Variants in NRG3 observed in about 807,000 individuals in gnomAD.
NRG3 encodes the protein pro-neuregulin-3, membrane-bound isoform.
NRG3 carries 31 observed loss-of-function variants against 66.9 expected under a neutral mutation model. The observed-to-expected ratio is 0.46, with a 90% CI of 0.35 to 0.63. The LOEUF (loss-of-function observed/expected upper bound fraction) is 0.63, where lower values mean the gene tolerates loss of function less well. Ranked by LOEUF, NRG3 falls within the 20% of genes least tolerant of loss-of-function variation. NRG3 has a pLI of 0.00. For missense variants in NRG3, 910 were observed against 878.9 expected (o/e 1.04, Z -0.45); for synonymous variants, 393 against 359.4 (o/e 1.09, Z -1.06).
intron 3 of NRG3, among the ~76,000 whole-genome samples, chr10:82,776,035 A>G (rs1438523095): frequency 1.3e-5 from 2 of 152,130 alleles, no homozygotes; most frequent in African/African-American, 4.8e-5. Context: ...TGAGTTTTAT[A>G]CTTTTATATA....
At chr10:81,946,578 G>T (rs1406253505) in intron 1 of NRG3, among the ~76,000 whole-genome samples, 1 of 152,072 alleles carries the variant, frequency 6.6e-6, no homozygotes, top group African/African-American at 2.4e-5. Flanking sequence ...TAAGTTTTTG[G>T]TTTTCTGTAA....
intron 3 of NRG3, among the ~76,000 whole-genome samples, chr10:82,744,729 T>G (rs2058571455): frequency 6.6e-6 from 1 of 152,172 alleles, no homozygotes. Context: ...TATTAATAGT[T>G]TGACATTGGA....
chr10:82,414,568 C>T (rs909192585), intron 2 of NRG3, among the ~76,000 whole-genome samples: 1 of 152,134 alleles, frequency 6.6e-6, no homozygotes, highest in African/African-American at 2.4e-5. Flanking sequence ...GCAGGGTTGT[C>T]ACAAACCTTT....
At chr10:82,104,733 A>G (rs2066956974) in intron 1 of NRG3, among the ~76,000 whole-genome samples, 1 of 152,220 alleles carries the variant, frequency 6.6e-6, no homozygotes, top group Admixed American at 6.5e-5. Context: ...AATTTAAAAA[A>G]TATGTGTATC....
chr10:82,538,359 T>A (rs1018285539), intron 2 of NRG3, among the ~76,000 whole-genome samples: 3 of 152,220 alleles, frequency 2.0e-5, no homozygotes, highest in African/African-American at 7.2e-5. Flanking sequence ...CATTTCTGAT[T>A]GTATTATATC....
At chr10:82,644,449 T>C (rs1328175595) in intron 2 of NRG3, among the ~76,000 whole-genome samples, 1 of 152,156 alleles carries the variant, frequency 6.6e-6, no homozygotes, top group Non-Finnish European at 1.5e-5. Flanking sequence ...TTTTAACTGT[T>C]AAATGAGGTT....
At chr10:82,381,521 G>T (rs530826153) in intron 2 of NRG3, among the ~76,000 whole-genome samples, 1 of 152,250 alleles carries the variant, frequency 6.6e-6, no homozygotes, top group African/African-American at 2.4e-5. Context: ...AGCCTCCAGA[G>T]CTTAGATTCT....
intron 1 of NRG3, among the ~76,000 whole-genome samples, chr10:81,907,248 C>T (rs1238206721): frequency 6.6e-6 from 1 of 152,156 alleles, no homozygotes; most frequent in Non-Finnish European, 1.5e-5. Flanking sequence ...AAATCATGAT[C>T]TGCTTCTTTT....
At chr10:82,849,962 A>G (rs2063486522) in intron 3 of NRG3, among the ~76,000 whole-genome samples, 1 of 152,168 alleles carries the variant, frequency 6.6e-6, no homozygotes, top group South Asian at 2.1e-4. Context: ...TGGAAAGATA[A>G]CATAGGTAGG....
At chr10:82,916,463 A>C (rs901683748) in intron 4 of NRG3, among the ~76,000 whole-genome samples, 15 of 152,266 alleles carry the variant, frequency 9.9e-5, no homozygotes, top group Middle Eastern at 6.8e-3. Context: ...AAAAGTAAAA[A>C]AGGTGGGGGA....
chr10:82,730,507 C>T (rs1047241474), intron 2 of NRG3, among the ~76,000 whole-genome samples: 1 of 152,190 alleles, frequency 6.6e-6, no homozygotes, highest in Admixed American at 6.6e-5. Flanking sequence ...ATTGACAACA[C>T]ATTGGAAAAC....
intron 1 of NRG3, among the ~76,000 whole-genome samples, chr10:81,981,119 C>T (rs2133464285): frequency 6.6e-6 from 1 of 152,268 alleles, no homozygotes; most frequent in East Asian, 1.9e-4. Context: ...TCCCAACAGT[C>T]CAAAATCTTT....
intron 2 of NRG3, among the ~76,000 whole-genome samples, chr10:82,689,192 T>C (rs1173510478): frequency 6.6e-6 from 1 of 152,158 alleles, no homozygotes; most frequent in African/African-American, 2.4e-5. Context: ...GCTTGATTTT[T>C]TGAGAGGAAA....
intron 1 of NRG3, among the ~76,000 whole-genome samples, chr10:82,012,197 C>T (rs966617319): frequency 5.9e-5 from 9 of 152,196 alleles, no homozygotes; most frequent in Admixed American, 2.0e-4. Context: ...CTCAACATCA[C>T]GTGGAAGCTG....
At chr10:82,592,646 G>GA (rs1433723394) in intron 2 of NRG3, among the ~76,000 whole-genome samples, 1 of 152,096 alleles carries the variant, frequency 6.6e-6, no homozygotes, top group Non-Finnish European at 1.5e-5. Flanking sequence ...GCCAAGACTA[G>GA]AATGCCCACA....
At chr10:81,972,539 CAGATT>C (rs1209422093) in intron 1 of NRG3, among the ~76,000 whole-genome samples, 1 of 151,768 alleles carries the variant, frequency 6.6e-6, no homozygotes, top group Non-Finnish European at 1.5e-5. Flanking sequence ...AGATTAATGT[CAGATT>C]AGAGACTACA....
At chr10:82,089,056 G>A (rs189577373) in intron 1 of NRG3, among the ~76,000 whole-genome samples, 2 of 151,770 alleles carry the variant, frequency 1.3e-5, no homozygotes, top group Non-Finnish European at 2.9e-5. Flanking sequence ...AAAATTATAT[G>A]ATTCAGGTTT....
At chr10:82,084,451 G>A (rs1238935211) in intron 1 of NRG3, among the ~76,000 whole-genome samples, 4 of 150,128 alleles carry the variant, frequency 2.7e-5, no homozygotes, top group African/African-American at 7.4e-5. Flanking sequence ...ATAATCTTGG[G>A]TACTTTGAGA....
intron 3 of NRG3, among the ~76,000 whole-genome samples, chr10:82,796,733 C>A (rs1219187284): frequency 6.6e-6 from 1 of 152,098 alleles, no homozygotes; most frequent in Non-Finnish European, 1.5e-5. Flanking sequence ...CTGACCCTTC[C>A]TCTTTCCTAA....
Sources: allele counts gnomAD v4.1 joint callset (sites outside exome capture counted in the v4.1 genomes callset), GRCh38; gene constraint gnomAD v4.1.1; transcripts MANE v1.5; gene names NCBI Gene and HGNC (gene_info 2026-07-23, HGNC 2026-07-21).